The following EPB41L4A variants were observed in gnomAD, a reference collection of about 807,000 sequenced individuals.
The protein encoded by EPB41L4A is band 4.1-like protein 4A.
EPB41L4A carries 100 observed loss-of-function variants against 108.6 expected under a neutral mutation model. That is an observed-to-expected ratio of 0.92 (90% CI 0.78 to 1.09). The LOEUF (loss-of-function observed/expected upper bound fraction) is 1.09, where lower values mean the gene tolerates loss of function less well. Ranked by LOEUF, EPB41L4A falls within the 50% of genes least tolerant of loss-of-function variation. The pLI is 0.00. For missense variants in EPB41L4A, 1,030 were observed against 842.7 expected (o/e 1.22, Z -2.75); for synonymous variants, 319 against 289.0 (o/e 1.10, Z -1.05).
intron 1 of EPB41L4A, among the ~76,000 whole-genome samples, chr5:112,383,747 G>C (rs1347703779): frequency 1.3e-5 from 2 of 151,650 alleles, no homozygotes; most frequent in African/African-American, 4.8e-5. Flanking sequence ...ATGGGGGTGG[G>C]GGAAAAGCTG....
chr5:112,206,408 G>A (rs1223065654), intron 13 of EPB41L4A, among the ~76,000 whole-genome samples: 7 of 151,706 alleles, frequency 4.6e-5, no homozygotes, highest in Admixed American at 4.6e-4. Context: ...ATCCATGATG[G>A]AATTAAAGTA....
chr5:112,221,377 G>A (rs1229828823), intron 12 of EPB41L4A, among the ~76,000 whole-genome samples: 1 of 152,196 alleles, frequency 6.6e-6, no homozygotes, highest in African/African-American at 2.4e-5. Context: ...GTACAAGGTT[G>A]AAAGTCCAAC....
At position 112,236,331 on chromosome 5, in the gene EPB41L4A, T is replaced by C. The variant is rs536606039; in HGVS notation, c.966-1576A>G. Among the ~76,000 whole-genome samples, 13 of 152,276 alleles carry C rather than the reference T, an allele frequency of 8.5e-5. No homozygotes were observed. The East Asian group carries it at 2.3e-3, about 27-fold the overall frequency. On this transcript the variant is annotated intron_variant, in intron 11 of 22. Transcript: ENST00000261486. ...TGCTGGTCAGTATGGCATAGGCTGA[T>C]GGCATGGGAGAAGGAACAGCACATG... is the stretch of plus-strand genomic sequence containing the variant.
chr5:112,218,239 G>A (rs983139070), intron 12 of EPB41L4A, among the ~76,000 whole-genome samples: 4 of 152,216 alleles, frequency 2.6e-5, no homozygotes, highest in African/African-American at 7.2e-5. Context: ...CTACACCAGC[G>A]TGGAAAGACT....
In EPB41L4A at chr5:112,247,345, T is replaced by C. The variant is rs1020108704; in HGVS notation, c.796-6535A>G. On this transcript the variant is annotated intron_variant, in intron 9 of 22. Coordinates refer to ENST00000261486, the MANE Select transcript of EPB41L4A (RefSeq NM_022140.5). Reference sequence around the variant, plus strand: ...TAAGTCTGCTTGTGACTGCATTCTATCAAGATAAATTGTTAAGGTAAAGAT... The same window carrying C: ...TAAGTCTGCTTGTGACTGCATTCTACCAAGATAAATTGTTAAGGTAAAGAT... 4.6e-5 allele frequency among the ~76,000 whole-genome samples: 7 copies of C among 152,278 alleles called. No homozygotes were observed. The East Asian group carries it at 7.7e-4, about 17-fold the overall frequency.
chr5:112,352,185 T>C (rs1758085199), intron 1 of EPB41L4A, among the ~76,000 whole-genome samples: 1 of 152,252 alleles, frequency 6.6e-6, no homozygotes, highest in South Asian at 2.1e-4. Flanking sequence ...CGGTTTGTTC[T>C]TGCTTTTCTA....
intron 15 of EPB41L4A, among the ~76,000 whole-genome samples, chr5:112,197,425 C>T (rs575980747): frequency 1.3e-5 from 2 of 152,312 alleles, no homozygotes; most frequent in East Asian, 1.9e-4. Context: ...TCTGTTCTTA[C>T]ATCAAATTTT....
intron 3 of EPB41L4A, among the ~76,000 whole-genome samples, chr5:112,279,865 T>C (rs2150504999): frequency 6.6e-6 from 1 of 152,274 alleles, no homozygotes; most frequent in Non-Finnish European, 1.5e-5. Context: ...GTGGTCTGAA[T>C]GGCAAAACCA....
intron 1 of EPB41L4A, among the ~76,000 whole-genome samples, chr5:112,314,434 G>A (rs1019106068): frequency 1.4e-5 from 2 of 147,112 alleles, no homozygotes; most frequent in Admixed American, 6.9e-5. Flanking sequence ...TTGGGACGTC[G>A]AGGCGGGTGG....
At chr5:112,196,395 A>G (rs1324867775) in intron 15 of EPB41L4A, among the ~76,000 whole-genome samples, 1 of 152,212 alleles carries the variant, frequency 6.6e-6, no homozygotes, top group Non-Finnish European at 1.5e-5. Context: ...AAACGAATTA[A>G]TACATTTAAA....
chr5:112,242,183 G>A (rs1365089895), intron 9 of EPB41L4A, among the ~76,000 whole-genome samples: 1 of 152,174 alleles, frequency 6.6e-6, no homozygotes, highest in African/African-American at 2.4e-5. Flanking sequence ...TCTGCAGCAC[G>A]TGATATTGTT....
At position 112,213,807 on chromosome 5, in the gene EPB41L4A, C is replaced by T. The variant is rs1019327803; in HGVS notation, c.1088-3825G>A. ...CTTAGAAGCATTAACTTACTGGGAG[C>T]ACTTCTGAAGTATCCATTCATATAA... On this transcript the variant is annotated intron_variant, in intron 12 of 22. Coordinates refer to ENST00000261486, the MANE Select transcript of EPB41L4A (RefSeq NM_022140.5). Among the ~76,000 whole-genome samples the T allele has an allele frequency of 2.6e-5, 4 of 152,272 alleles. No individual in the cohort carries two copies. In the East Asian group the frequency reaches 7.7e-4, roughly 29 times the overall value.
downstream of EPB41L4A, chr5:112,158,469 T>C (rs1759726814): frequency 2.4e-6 from 1 of 411,124 alleles, no homozygotes; most frequent in Non-Finnish European, 4.8e-6. Context: ...CAGAGGTAGA[T>C]ATAAACTAAA....
At chr5:112,202,327 C>T (rs1053317795) in intron 15 of EPB41L4A, among the ~76,000 whole-genome samples, 3 of 152,142 alleles carry the variant, frequency 2.0e-5, no homozygotes, top group South Asian at 2.1e-4. Context: ...CAGGTAACAC[C>T]CACTTCTCTC....
intron 6 of EPB41L4A, chr5:112,264,252 T>C (rs1410794193): frequency 1.3e-5 from 2 of 152,238 alleles, no homozygotes; most frequent in East Asian, 1.9e-4. Context: ...ACTTCAGTGC[T>C]ATAGGCCATG....
intron 1 of EPB41L4A, among the ~76,000 whole-genome samples, chr5:112,347,920 A>G (rs1317580264): frequency 1.3e-5 from 2 of 152,134 alleles, no homozygotes; most frequent in African/African-American, 4.8e-5. Context: ...CCATCCTCCC[A>G]GGACCCAATC....
intron 1 of EPB41L4A, among the ~76,000 whole-genome samples, chr5:112,361,502 C>A: frequency 6.8e-6 from 1 of 146,534 alleles, no homozygotes; most frequent in African/African-American, 2.5e-5. Context: ...GAGAAACACC[C>A]AAGAATGATC....
At chr5:112,226,698 A>C (rs1748478958) in intron 12 of EPB41L4A, among the ~76,000 whole-genome samples, 1 of 152,054 alleles carries the variant, frequency 6.6e-6, no homozygotes, top group Non-Finnish European at 1.5e-5. Context: ...TTGGTGTAAA[A>C]AAAAAAATCA....
At chr5:112,393,850 T>C (rs1238884729) in intron 1 of EPB41L4A, among the ~76,000 whole-genome samples, 1 of 152,130 alleles carries the variant, frequency 6.6e-6, no homozygotes, top group Non-Finnish European at 1.5e-5. Flanking sequence ...AATGAAATAC[T>C]GGCAAACTGA....
Sources: allele counts gnomAD v4.1 joint callset (sites outside exome capture counted in the v4.1 genomes callset), GRCh38; gene constraint gnomAD v4.1.1; transcripts MANE v1.5; gene names NCBI Gene and HGNC (gene_info 2026-07-23, HGNC 2026-07-21).